Variants in ZYG11A observed in about 807,000 individuals in gnomAD.
ZYG11A encodes protein zyg-11 homolog A.
Under a neutral mutation model 77.2 loss-of-function variants are expected in ZYG11A, and 62 were observed. The ratio of observed to expected loss-of-function variants is 0.80; its 90% CI spans 0.65 to 0.99. The LOEUF (loss-of-function observed/expected upper bound fraction) is 0.99. Ranked by LOEUF, ZYG11A falls within the 50% of genes least tolerant of loss-of-function variation. The pLI, the probability that ZYG11A is intolerant of heterozygous loss-of-function variation, is 0.00. For missense variants in ZYG11A, 828 were observed against 896.8 expected (o/e 0.92, Z 0.98); for synonymous variants, 315 against 324.6 (o/e 0.97, Z 0.32).
Position 52,881,679 on chromosome 1 carries a change from A to G in ZYG11A, c.1944+14A>G, listed in dbSNP as rs1347304370. The G allele has an allele frequency of 2.6e-6, 4 of 1,519,910 alleles. No individual in the cohort carries two copies. Among genetic ancestry groups the G allele is most frequent in the East Asian group, 2.5e-5 (1 of 40,594 alleles). The allele number at this position is 1,519,910 out of a possible 1,614,324, so 94.2% of individuals were successfully genotyped here. A position where few individuals can be genotyped will look rare whatever the true frequency, so the allele number is the denominator to read the frequency against. On this transcript the variant is annotated intron_variant, in intron 11 of 13. Coordinates refer to ENST00000371528, the MANE Select transcript of ZYG11A (RefSeq NM_001004339.3). Reference sequence around the variant, plus strand: ...CTCCAAGATCTGGTACAGGAACCACATTCTTATTTATAAAATCCAGAGTAA... The same window carrying G: ...CTCCAAGATCTGGTACAGGAACCACGTTCTTATTTATAAAATCCAGAGTAA...
intron 2 of ZYG11A, 38 bp from the exon 3 acceptor site, chr1:52,856,960 C>G: frequency 1.3e-6 from 2 of 1,486,870 alleles, no homozygotes; most frequent in Non-Finnish European, 1.8e-6. Flanking sequence ...GACATGAGAT[C>G]TAGTTGTCAT....
At chr1:52,860,309 A>G (rs557580619) in intron 3 of ZYG11A, among the ~76,000 whole-genome samples, 1 of 152,130 alleles carries the variant, frequency 6.6e-6, no homozygotes, top group Non-Finnish European at 1.5e-5. Flanking sequence ...CAGACTCCCA[A>G]AGTGTTGGGA....
chr1:52,850,268 A>C (rs60442198), intron 1 of ZYG11A, among the ~76,000 whole-genome samples: 4 of 151,522 alleles, frequency 2.6e-5, no homozygotes, highest in African/African-American at 9.7e-5. Flanking sequence ...CTCCTGCCTC[A>C]GCCTCCAAAG....
chr1:52,854,715 C>A, intron 2 of ZYG11A, 85 bp downstream of exon 2: 2 of 1,253,480 alleles, frequency 1.6e-6, no homozygotes, highest in Non-Finnish European at 1.1e-6. Context: ...TATTGTGATT[C>A]TCACAAAGTA....
At chr1:52,871,102 TTCCCTCCA>T (rs1646154893) in intron 8 of ZYG11A, among the ~76,000 whole-genome samples, 1 of 152,204 alleles carries the variant, frequency 6.6e-6, no homozygotes, top group South Asian at 2.1e-4. Flanking sequence ...TGCAAAGTAT[TTCCCTCCA>T]TCATGAAGTA....
At chr1:52,862,826 T>A (rs1000925779) in intron 4 of ZYG11A, among the ~76,000 whole-genome samples, 7 of 152,208 alleles carry the variant, frequency 4.6e-5, no homozygotes, top group African/African-American at 1.7e-4. Flanking sequence ...TTGCCCAGGC[T>A]GGAGTGCAGT....
rs1056671395 is a variant in ZYG11A at position 52,894,345 on chromosome 1, C to T, written c.*1388C>T. On this transcript the variant is annotated 3_prime_UTR_variant, in exon 14 of 14. Transcript: ENST00000371528. ...GAAAGAGACTTTGCCAGAGAGTTCA[C>T]GGAGTTTTCTTACCCCGCATGCTGA... is the stretch of plus-strand genomic sequence containing the variant. 2.6e-5 allele frequency: 4 copies of T among 152,118 alleles called. No individual in the cohort carries two copies. The highest frequency in any genetic ancestry group is 4.4e-5 in the Non-Finnish European group (3 of 68,030). 9.4% of individuals were successfully genotyped at this position (152,118 alleles called of 1,614,324 possible). A position where few individuals can be genotyped will look rare whatever the true frequency, so the allele number is the denominator to read the frequency against.
rs386366962 is a variant in ZYG11A, at chr1:52,886,699, ATTTT to A, written c.2007-232_2007-229del. Among the ~76,000 whole-genome samples, 79 of 69,120 alleles carry A rather than the reference ATTTT, an allele frequency of 1.1e-3. No individual in the cohort carries two copies. The East Asian group carries it at 0.021, about 19-fold the overall frequency. The allele number at this position is 69,120 out of a possible 152,430, so 45.3% of individuals were successfully genotyped here. ...AGGCGTGTGCCACCAGGCCCAGCTAATTTTTTTTTTTTTTTTTTTTTTTTTTTTG... is the reference window on the plus strand; with the variant it reads ...AGGCGTGTGCCACCAGGCCCAGCTAATTTTTTTTTTTTTTTTTTTTTTTTG... On this transcript the variant is annotated intron_variant, in intron 12 of 13. Coordinates refer to ENST00000371528, the MANE Select transcript of ZYG11A (RefSeq NM_001004339.3).
intron 5 of ZYG11A, among the ~76,000 whole-genome samples, chr1:52,865,758 A>G (rs977486497): frequency 2.0e-5 from 3 of 152,082 alleles, no homozygotes; most frequent in Non-Finnish European, 4.4e-5. Flanking sequence ...TAAAAAAACT[A>G]ATCTATAATG....
At chr1:52,864,254 TG>T in intron 5 of ZYG11A, 97 bp downstream of exon 5, 1 of 1,300,924 alleles carries the variant, frequency 7.7e-7, no homozygotes, top group East Asian at 2.5e-5. Context: ...AATTTGTTTT[TG>T]TTTTTTTAAA....
chr1:52,842,835 T>A lies in ZYG11A; in HGVS notation c.-49T>A, dbSNP rs761843807. The A allele has an allele frequency of 6.6e-7, 1 of 1,508,808 alleles. No individual in the cohort carries two copies. The highest frequency in any genetic ancestry group is 2.7e-5 in the East Asian group (1 of 37,200). 93.5% of individuals were successfully genotyped at this position (1,508,808 alleles called of 1,614,324 possible). On this transcript the variant is annotated 5_prime_UTR_variant, in exon 1 of 14. Transcript: ENST00000371528. ...CGCTTGGTTCTCGCGGGATCCGGGC[T>A]CCGGCTCGACGCCGGCTCTCTTTTT...
chr1:52,843,812 G>A (rs991131761), intron 1 of ZYG11A, among the ~76,000 whole-genome samples: 1 of 150,020 alleles, frequency 6.7e-6, no homozygotes, highest in Non-Finnish European at 1.5e-5. Flanking sequence ...TCAGCCTCCC[G>A]AGTAGGTGGG....
intron 11 of ZYG11A, among the ~76,000 whole-genome samples, chr1:52,885,535 G>GTAT (rs1270409492): frequency 6.6e-6 from 1 of 151,990 alleles, no homozygotes; most frequent in Non-Finnish European, 1.5e-5. Flanking sequence ...TAAGTGCTAG[G>GTAT]TATTAAATCA....
chr1:52,885,820 GT>G lies in ZYG11A; in HGVS notation c.1945-8del. 1.3e-6 allele frequency: 2 copies of G among 1,523,796 alleles called. No homozygotes were observed. Among genetic ancestry groups the G allele is most frequent in the Non-Finnish European group, 1.8e-6 (2 of 1,136,162 alleles). 94.4% of individuals were successfully genotyped at this position (1,523,796 alleles called of 1,614,324 possible). On this transcript the variant is annotated splice_polypyrimidine_tract_variant and intron_variant, in intron 11 of 13. Transcript: ENST00000371528. ...ATTCAAATGTTGGTTTCTCTCTCTT[GT>G]TTTTGGAGTAGCATGCAACCATACA...
Position 52,867,549 on chromosome 1 carries a change from G to A in ZYG11A, c.1402G>A (p.Ala468Thr), listed in dbSNP as rs1646048623. The A allele has an allele frequency of 7.1e-6, 11 of 1,551,076 alleles. No individual in the cohort carries two copies. The highest frequency in any genetic ancestry group is 9.6e-6 in the Non-Finnish European group (11 of 1,146,222). Residue 468 changes from alanine to threonine, a missense_variant, in exon 7 of 14, where the codon GCC (alanine) becomes ACC (threonine). By Grantham distance (58) the Ala-to-Thr change is moderately conservative (BLOSUM62 0). Coordinates refer to ENST00000371528, the MANE Select transcript of ZYG11A (RefSeq NM_001004339.3). ...AATACTGCTTTTCAGGTTTGATGCT[G>A]CCAAGTTTGTCATGAGATGGCTCTG... ...VDVPFDRFDA[A>T]KFVMRWLCKH...
At chr1:52,856,833 T>G (rs1211513938) in intron 2 of ZYG11A, among the ~76,000 whole-genome samples, 165 bp from the exon 3 acceptor site, 1 of 152,174 alleles carries the variant, frequency 6.6e-6, no homozygotes, top group African/African-American at 2.4e-5. Flanking sequence ...AAAGAATACA[T>G]GAGATAATAA....
At chr1:52,884,280 A>C (rs1646409867) in intron 11 of ZYG11A, among the ~76,000 whole-genome samples, 2 of 151,978 alleles carry the variant, frequency 1.3e-5, no homozygotes, top group South Asian at 4.2e-4. Context: ...GCAGATCATG[A>C]GGTCTGGAGA....
At chr1:52,885,261 G>A (rs1197697042) in intron 11 of ZYG11A, among the ~76,000 whole-genome samples, 3 of 150,122 alleles carry the variant, frequency 2.0e-5, no homozygotes, top group East Asian at 2.0e-4. Context: ...AGTACCTCAC[G>A]TGCCAAATTT....
At chr1:52,869,099 T>C (rs1407122745) in intron 8 of ZYG11A, among the ~76,000 whole-genome samples, 2 of 152,176 alleles carry the variant, frequency 1.3e-5, no homozygotes, top group African/African-American at 2.4e-5. Flanking sequence ...AGTGCTGGGA[T>C]TACAGGAGTG....
Sources: allele counts gnomAD v4.1 joint callset (sites outside exome capture counted in the v4.1 genomes callset), GRCh38; gene constraint gnomAD v4.1.1; transcripts MANE v1.5; gene names NCBI Gene and HGNC (gene_info 2026-07-23, HGNC 2026-07-21).